Variants in CRB3 observed in about 807,000 individuals in gnomAD.
The protein encoded by CRB3 is crumbs cell polarity complex component 3.
Under a neutral mutation model 10.4 loss-of-function variants are expected in CRB3, and 4 were observed. The ratio of observed to expected loss-of-function variants is 0.39; its 90% CI spans 0.19 to 0.88. The LOEUF is 0.88. CRB3 is among the 40% of genes least tolerant of loss of function. The pLI is 0.39. For missense variants in CRB3, 154 were observed against 160.2 expected, an observed-to-expected ratio of 0.96 and a Z score of 0.21; for synonymous variants, 74 against 73.4, an observed-to-expected ratio of 1.01 and a Z score of -0.04.
chr19:6,464,632 C>T lies in CRB3; in HGVS notation c.-70C>T. 1.0e-6 allele frequency: 1 copy of T among 992,738 alleles called. No homozygotes were observed. The highest frequency in any genetic ancestry group is 1.3e-6 in the Non-Finnish European group (1 of 769,912). 61.5% of individuals were successfully genotyped at this position (992,738 alleles called of 1,614,324 possible). Reference sequence around the variant, plus strand: ...GGTGCCCCGTCGCAGGTGCCCCTGGCCGGAGATGCGGTAGGAGGGGCGAGC... The same window carrying T: ...GGTGCCCCGTCGCAGGTGCCCCTGGTCGGAGATGCGGTAGGAGGGGCGAGC... On this transcript the variant is annotated 5_prime_UTR_variant, in exon 2 of 4. Coordinates refer to ENST00000600229, the MANE Select transcript of CRB3 (RefSeq NM_139161.5). The surrounding 1 kb of genome is among the most constrained non-coding windows in gnomAD (Gnocchi z 5.3).
chr19:6,466,226 A>G lies in CRB3; in HGVS notation c.157-240A>G, dbSNP rs1052559695. ...AAAAAAAAAAGCCGGAGTCCCAGAC[A>G]TGGCAGGTGCTTGCGAGGGGTGTCC... is the stretch of plus-strand genomic sequence containing the variant. On this transcript the variant is annotated intron_variant, in intron 3 of 3. Transcript: ENST00000600229. This position sits in a 1 kb window ranked among gnomAD's most constrained non-coding sequence, Gnocchi z 4.9. 1.3e-5 allele frequency among the ~76,000 whole-genome samples: 2 copies of G among 151,904 alleles called. No individual in the cohort carries two copies. The highest frequency in any genetic ancestry group is 1.9e-4 in the East Asian group (1 of 5,178).
chr19:6,466,325 G>A lies in CRB3; in HGVS notation c.157-141G>A. On this transcript the variant is annotated intron_variant, in intron 3 of 3. Coordinates refer to ENST00000600229, the MANE Select transcript of CRB3 (RefSeq NM_139161.5). This position sits in a 1 kb window ranked among gnomAD's most constrained non-coding sequence, Gnocchi z 4.9. ...AGGGATCCAGGAAGCCCCACTGTGGGGATCAGATCACCAAAAGTGGCAGAT... is the reference window on the plus strand; with the variant it reads ...AGGGATCCAGGAAGCCCCACTGTGGAGATCAGATCACCAAAAGTGGCAGAT... 1 of 767,044 alleles carries A rather than the reference G, an allele frequency of 1.3e-6. No individual in the cohort carries two copies. Among genetic ancestry groups the A allele is most frequent in the Non-Finnish European group, 2.2e-6 (1 of 450,892 alleles). 47.5% of individuals were successfully genotyped at this position (767,044 alleles called of 1,614,324 possible).
chr19:6,464,713 C>T lies in CRB3; in HGVS notation c.12C>T (p.Pro4=). 2 of 1,242,226 alleles carry T rather than the reference C, an allele frequency of 1.6e-6. No homozygotes were observed. The highest frequency in any genetic ancestry group is 2.0e-6 in the Non-Finnish European group (2 of 992,448). The allele number at this position is 1,242,226 out of a possible 1,614,324, so 77.0% of individuals were successfully genotyped here. A position where few individuals can be genotyped will look rare whatever the true frequency, so the allele number is the denominator to read the frequency against. The change falls in exon 2 of 4, where the codon CCC becomes CCT. Residue 4 remains proline (P), a synonymous_variant. Coordinates refer to ENST00000600229, the MANE Select transcript of CRB3 (RefSeq NM_139161.5). This position sits in a 1 kb window ranked among gnomAD's most constrained non-coding sequence, Gnocchi z 5.3. ...CCGCCACCCAGCCCATGGCGAACCC[C>T]GGGCTGGGGCTGCTTCTGGCGCTGG... MAN[P]GLGLLLALGL... is the part of the protein sequence containing the mutation.
At position 6,464,762 on chromosome 19, in the gene CRB3, TG is replaced by T. The variant is rs1468476930; in HGVS notation, c.65del (p.Gly22AlafsTer130). 7.9e-7 allele frequency: 1 copy of T among 1,268,862 alleles called. No homozygotes were observed. 78.6% of individuals were successfully genotyped at this position (1,268,862 alleles called of 1,614,324 possible). A position where few individuals can be genotyped will look rare whatever the true frequency, so the allele number is the denominator to read the frequency against. ...ALGLPFLLAR[W>X]GRAWGQIQTT... Reference sequence around the variant, plus strand: ...GGGCCTGCCGTTCCTGCTGGCCCGCTGGGGCCGAGCCTGGGGGCAAAGTAGG... The same window carrying T: ...GGGCCTGCCGTTCCTGCTGGCCCGCTGGGCCGAGCCTGGGGGCAAAGTAGG... On this transcript the variant is annotated frameshift_variant, in exon 2 of 4. Transcript: ENST00000600229. LOFTEE classifies it high-confidence loss of function. This position sits in a 1 kb window ranked among gnomAD's most constrained non-coding sequence, Gnocchi z 5.3.
At position 6,464,763 on chromosome 19, in the gene CRB3, G is replaced by C; in HGVS notation, c.62G>C (p.Trp21Ser). The change falls in exon 2 of 4, where the codon TGG becomes TCG. Residue 21 changes from tryptophan to serine, a missense_variant. Coordinates refer to ENST00000600229, the MANE Select transcript of CRB3 (RefSeq NM_139161.5). The surrounding 1 kb of genome is among the most constrained non-coding windows in gnomAD (Gnocchi z 5.3). ...ALGLPFLLAR[W>S]GRAWGQIQTT... ...GGCCTGCCGTTCCTGCTGGCCCGCT[G>C]GGGCCGAGCCTGGGGGCAAAGTAGG... 7.9e-7 allele frequency: 1 copy of C among 1,269,236 alleles called. No homozygotes were observed. Among genetic ancestry groups the C allele is most frequent in the Non-Finnish European group, 9.9e-7 (1 of 1,005,768 alleles). The allele number at this position is 1,269,236 out of a possible 1,614,324, so 78.6% of individuals were successfully genotyped here.
chr19:6,466,803 A>G lies in CRB3; in HGVS notation c.*131A>G, dbSNP rs2145163680. The G allele has an allele frequency of 6.4e-7, 1 of 1,553,302 alleles. No homozygotes were observed. The highest frequency in any genetic ancestry group is 1.8e-5 in the Admixed American group (1 of 54,134). On this transcript the variant is annotated 3_prime_UTR_variant, in exon 4 of 4. Coordinates refer to ENST00000600229, the MANE Select transcript of CRB3 (RefSeq NM_139161.5). This position sits in a 1 kb window ranked among gnomAD's most constrained non-coding sequence, Gnocchi z 4.9. ...TTGTGGGGAGAGGCTGGGGGCACCC[A>G]TGTGGTGGGCTCTGTGCAGCATGTT...
rs933094948 is a variant in CRB3 at position 6,466,088 on chromosome 19, T to C, written c.157-378T>C. Among the ~76,000 whole-genome samples the C allele has an allele frequency of 6.6e-6, 1 of 151,886 alleles. No individual in the cohort carries two copies. The highest frequency in any genetic ancestry group is 2.4e-5 in the African/African-American group (1 of 41,324). ...GGTGGCACACACCTGTAATCCCAGCTACTTGGGAGGCTGAGGCAGGGGGAA... is the reference window on the plus strand; with the variant it reads ...GGTGGCACACACCTGTAATCCCAGCCACTTGGGAGGCTGAGGCAGGGGGAA... On this transcript the variant is annotated intron_variant, in intron 3 of 3. Coordinates refer to ENST00000600229, the MANE Select transcript of CRB3 (RefSeq NM_139161.5). This position sits in a 1 kb window ranked among gnomAD's most constrained non-coding sequence, Gnocchi z 4.9.
rs1292182755 is a variant in CRB3, at chr19:6,466,686, C to T, written c.*14C>T. 2 of 1,596,212 alleles carry T rather than the reference C, an allele frequency of 1.3e-6. No individual in the cohort carries two copies. The highest frequency in any genetic ancestry group is 3.4e-5 in the Admixed American group (2 of 59,358). ...CGGCTCATCTGAACGCTGGGGCCTG[C>T]TGCAGCCACCAACACTGCCCAGGAC... On this transcript the variant is annotated 3_prime_UTR_variant, in exon 4 of 4. Transcript: ENST00000600229. This position sits in a 1 kb window ranked among gnomAD's most constrained non-coding sequence, Gnocchi z 4.9.
At chr19:6,465,639 G>GGAA in intron 3 of CRB3, 21 bp downstream of exon 3, 1 of 1,594,902 alleles carries the variant, frequency 6.3e-7, no homozygotes, top group Non-Finnish European at 8.6e-7. Flanking sequence ...GGTATATGTG[G>GGAA]GAAGATGGCA....
At chr19:6,465,291 T>G in intron 2 of CRB3, 1 of 506,906 alleles carries the variant, frequency 2.0e-6, no homozygotes, top group East Asian at 3.3e-5. Flanking sequence ...GAGAGGTGAG[T>G]AGGGGAGGGG....
chr19:6,467,100 TC>T lies in CRB3; in HGVS notation c.*430del. ...GCAGTGCCCTCTCTGGGCAGTCAGA[TC>T]CACCCAGTGCTTAATAGCAGGGAAG... On this transcript the variant is annotated 3_prime_UTR_variant, in exon 4 of 4. Transcript: ENST00000600229. 1 of 1,317,964 alleles carries T rather than the reference TC, an allele frequency of 7.6e-7. No homozygotes were observed. The highest frequency in any genetic ancestry group is 1.1e-6 in the Non-Finnish European group (1 of 919,352). 81.6% of individuals were successfully genotyped at this position (1,317,964 alleles called of 1,614,324 possible).
chr19:6,465,487 G>T, intron 2 of CRB3, 58 bp from the exon 3 acceptor site: 1 of 1,443,978 alleles, frequency 6.9e-7, no homozygotes, highest in South Asian at 1.1e-5. Flanking sequence ...GGTGCAGATG[G>T]GCGGGGATGG....
chr19:6,464,606 A>C lies in CRB3; in HGVS notation c.-94-2A>C. ...CTGGGCCTCTCCTTCTCCTGTCCCCAGGTGCCCCGTCGCAGGTGCCCCTGG... is the reference window on the plus strand; with the variant it reads ...CTGGGCCTCTCCTTCTCCTGTCCCCCGGTGCCCCGTCGCAGGTGCCCCTGG... On this transcript the variant is annotated splice_acceptor_variant, in intron 1 of 3. Transcript: ENST00000600229. LOFTEE classifies it low-confidence loss of function (5UTR_SPLICE). The surrounding 1 kb of genome is among the most constrained non-coding windows in gnomAD (Gnocchi z 5.3). The C allele has an allele frequency of 2.9e-6, 2 of 701,344 alleles. No homozygotes were observed. The highest frequency in any genetic ancestry group is 8.7e-5 in the Admixed American group (2 of 23,038). The allele number at this position is 701,344 out of a possible 1,614,324, so 43.4% of individuals were successfully genotyped here. A position where few individuals can be genotyped will look rare whatever the true frequency, so the allele number is the denominator to read the frequency against.
Position 6,464,672 on chromosome 19 carries a change from C to T in CRB3, c.-30C>T. On this transcript the variant is annotated 5_prime_UTR_variant, in exon 2 of 4. Coordinates refer to ENST00000600229, the MANE Select transcript of CRB3 (RefSeq NM_139161.5). This position sits in a 1 kb window ranked among gnomAD's most constrained non-coding sequence, Gnocchi z 5.3. The stretch of plus-strand genomic sequence containing the variant: ...GAGGGGCGAGCGCGAGAAGCCCCTT[C>T]CTCGGCGCTGCCAACCCGCCACCCA... 8.2e-7 allele frequency: 1 copy of T among 1,221,194 alleles called. No homozygotes were observed. Among genetic ancestry groups the T allele is most frequent in the South Asian group, 4.1e-5 (1 of 24,162 alleles). The allele number at this position is 1,221,194 out of a possible 1,614,324, so 75.6% of individuals were successfully genotyped here. A position where few individuals can be genotyped will look rare whatever the true frequency, so the allele number is the denominator to read the frequency against.
In CRB3 at chr19:6,466,613, GGTGCCCGC is replaced by G. The variant is rs765407341; in HGVS notation, c.310_317del (p.Arg104ThrfsTer132). 19 of 1,605,670 alleles carry G rather than the reference GGTGCCCGC, an allele frequency of 1.2e-5. No homozygotes were observed. The highest frequency in any genetic ancestry group is 1.6e-5 in the Non-Finnish European group (19 of 1,179,938). On this transcript the variant is annotated frameshift_variant, in exon 4 of 4. Coordinates refer to ENST00000600229, the MANE Select transcript of CRB3 (RefSeq NM_139161.5). LOFTEE classifies it high-confidence loss of function. The surrounding 1 kb of genome is among the most constrained non-coding windows in gnomAD (Gnocchi z 4.9). Reference sequence around the variant, plus strand: ...CCGGCCCAGTAGCGAGGAGCAGGTGGGTGCCCGCGTGCCACCGACCCCCAACCTCAAGT... The same window carrying G: ...CCGGCCCAGTAGCGAGGAGCAGGTGGGTGCCACCGACCCCCAACCTCAAGT...
chr19:6,464,716 G>T lies in CRB3; in HGVS notation c.15G>T (p.Gly5=). 1 of 1,243,704 alleles carries T rather than the reference G, an allele frequency of 8.0e-7. No homozygotes were observed. 77.0% of individuals were successfully genotyped at this position (1,243,704 alleles called of 1,614,324 possible). Residue 5 remains glycine (G), a synonymous_variant, in exon 2 of 4, where the codon GGG becomes GGT. Transcript: ENST00000600229. This position sits in a 1 kb window ranked among gnomAD's most constrained non-coding sequence, Gnocchi z 5.3. ...CCACCCAGCCCATGGCGAACCCCGGGCTGGGGCTGCTTCTGGCGCTGGGCC... is the reference window on the plus strand; with the variant it reads ...CCACCCAGCCCATGGCGAACCCCGGTCTGGGGCTGCTTCTGGCGCTGGGCC... MANP[G]LGLLLALGLP...
At chr19:6,465,148 G>T (rs1223677283) in intron 2 of CRB3, 2 of 284,482 alleles carry the variant, frequency 7.0e-6, no homozygotes, top group Non-Finnish European at 1.3e-5. Flanking sequence ...GCCGAGCCGG[G>T]TCGACCTGGT....
intron 2 of CRB3, chr19:6,465,013 C>T: frequency 2.7e-6 from 1 of 377,222 alleles, no homozygotes; most frequent in East Asian, 3.8e-5. Context: ...AGTTCCCCAG[C>T]GAGGTGGAAT....
chr19:6,464,587 C>T lies in CRB3; in HGVS notation c.-94-21C>T, dbSNP rs1235762801. On this transcript the variant is annotated intron_variant, in intron 1 of 3. Coordinates refer to ENST00000600229, the MANE Select transcript of CRB3 (RefSeq NM_139161.5). This position sits in a 1 kb window ranked among gnomAD's most constrained non-coding sequence, Gnocchi z 5.3. Reference sequence around the variant, plus strand: ...CCCACCCCGATCCCAACGCCTGGGCCTCTCCTTCTCCTGTCCCCAGGTGCC... The same window carrying T: ...CCCACCCCGATCCCAACGCCTGGGCTTCTCCTTCTCCTGTCCCCAGGTGCC... 8.5e-6 allele frequency: 5 copies of T among 586,130 alleles called. No homozygotes were observed. Among genetic ancestry groups the T allele is most frequent in the South Asian group, 9.2e-5 (1 of 10,854 alleles). 36.3% of individuals were successfully genotyped at this position (586,130 alleles called of 1,614,324 possible). A position where few individuals can be genotyped will look rare whatever the true frequency, so the allele number is the denominator to read the frequency against.
Sources: allele counts gnomAD v4.1 joint callset (sites outside exome capture counted in the v4.1 genomes callset), GRCh38; gene constraint gnomAD v4.1.1; non-coding constraint Gnocchi (gnomAD v3.1); transcripts MANE v1.5; gene names NCBI Gene and HGNC (gene_info 2026-07-23, HGNC 2026-07-21).